The following SORCS1 variants were observed in gnomAD, a reference collection of about 807,000 sequenced individuals.
SORCS1 encodes the protein VPS10 domain-containing receptor SorCS1.
A neutral mutation model predicts 146.1 loss-of-function variants in SORCS1; 60 were observed. The ratio of observed to expected loss-of-function variants is 0.41; its 90% CI spans 0.33 to 0.51. SORCS1 has a LOEUF of 0.51. Among genes scored for constraint, SORCS1 ranks in the 20% least tolerant of loss-of-function variants. The pLI is 0.21. For missense variants in SORCS1, 1,352 were observed against 1,487.6 expected, an observed-to-expected ratio of 0.91 and a Z score of 1.50; for synonymous variants, 637 against 584.0, an observed-to-expected ratio of 1.09 and a Z score of -1.31.
chr10:106,842,983 C>G (rs1397583113), intron 2 of SORCS1, among the ~76,000 whole-genome samples: 1 of 152,086 alleles, frequency 6.6e-6, no homozygotes, highest in Non-Finnish European at 1.5e-5. Flanking sequence ...ATACGATTGA[C>G]AAATGTAATT....
chr10:106,592,409 G>C (rs748476111), intron 24 of SORCS1, among the ~76,000 whole-genome samples: 6 of 152,198 alleles, frequency 3.9e-5, no homozygotes, highest in Non-Finnish European at 8.8e-5. Flanking sequence ...TCCCATAAAA[G>C]CAAACAGGGA....
intron 2 of SORCS1, among the ~76,000 whole-genome samples, chr10:106,841,496 A>C (rs1053377270): frequency 1.1e-4 from 16 of 152,066 alleles, no homozygotes; most frequent in Non-Finnish European, 2.1e-4. Context: ...ACACACACAC[A>C]CATTGTTTTT....
At chr10:107,142,727 T>A (rs556909657) in intron 1 of SORCS1, among the ~76,000 whole-genome samples, 2 of 152,294 alleles carry the variant, frequency 1.3e-5, no homozygotes, top group South Asian at 2.1e-4. Context: ...TTCAATGCCA[T>A]CATCACTAGA....
At position 106,880,393 on chromosome 10, in the gene SORCS1, A is replaced by C. The variant is rs569127804; in HGVS notation, c.627-50720T>G. Among the ~76,000 whole-genome samples, 3 of 152,334 alleles carry C rather than the reference A, an allele frequency of 2.0e-5. No homozygotes were observed. The East Asian group carries it at 5.8e-4, about 29-fold the overall frequency. ...CCTATGAACATATTTAGGAAAACAA[A>C]ATTTTTCAGTTGAAGAGTTCCTAAA... On this transcript the variant is annotated intron_variant, in intron 2 of 25. Coordinates refer to ENST00000263054, the MANE Select transcript of SORCS1 (RefSeq NM_052918.5).
chr10:106,737,567 A>T (rs1021663449), intron 5 of SORCS1, among the ~76,000 whole-genome samples: 13 of 152,130 alleles, frequency 8.5e-5, no homozygotes, highest in African/African-American at 2.9e-4. Flanking sequence ...TCTACTAAAA[A>T]TACAAAAATT....
chr10:106,981,256 T>C (rs183114427), intron 1 of SORCS1, among the ~76,000 whole-genome samples: 26 of 152,308 alleles, frequency 1.7e-4, no homozygotes, highest in African/African-American at 3.6e-4. Flanking sequence ...TTCAATCTGT[T>C]TGCAAGAATG....
intron 2 of SORCS1, among the ~76,000 whole-genome samples, chr10:106,875,301 T>C (rs1242034614): frequency 6.6e-6 from 1 of 152,256 alleles, no homozygotes; most frequent in Non-Finnish European, 1.5e-5. Context: ...TTTCCTTCCT[T>C]TTTATGGCTG....
intron 23 of SORCS1, among the ~76,000 whole-genome samples, chr10:106,603,192 C>A (rs1229781973): frequency 6.6e-6 from 1 of 152,136 alleles, no homozygotes; most frequent in Non-Finnish European, 1.5e-5. Flanking sequence ...AATTTATTCA[C>A]CCCTGAGGAC....
intron 5 of SORCS1, among the ~76,000 whole-genome samples, chr10:106,738,541 A>T (rs4917484): frequency 0.78 from 119,081 of 152,084 alleles, 47,493 homozygotes; most frequent in Non-Finnish European, 0.87. Flanking sequence ...TGATGTTAAA[A>T]TCAGTGTGAG....
At chr10:106,993,136 G>A (rs1956844397) in intron 1 of SORCS1, among the ~76,000 whole-genome samples, 1 of 151,522 alleles carries the variant, frequency 6.6e-6, no homozygotes, top group African/African-American at 2.4e-5. Context: ...AGCCGGGCCT[G>A]GCTAATTTCT....
chr10:106,996,617 T>C (rs542749967), intron 1 of SORCS1, among the ~76,000 whole-genome samples: 1 of 152,288 alleles, frequency 6.6e-6, no homozygotes, highest in African/African-American at 2.4e-5. Context: ...CCTTTCGTCG[T>C]ACCAAAAAAA....
chr10:107,101,542 T>C (rs970394074), intron 1 of SORCS1, among the ~76,000 whole-genome samples: 4 of 152,158 alleles, frequency 2.6e-5, no homozygotes, highest in African/African-American at 7.2e-5. Context: ...AAAGTAAAAT[T>C]CCCCTGTGCT....
chr10:107,124,567 A>G (rs1274933808), intron 1 of SORCS1, among the ~76,000 whole-genome samples: 2 of 152,120 alleles, frequency 1.3e-5, no homozygotes, highest in African/African-American at 4.8e-5. Flanking sequence ...TAATGGCATC[A>G]ATTCTTCCCT....
rs573206558 is a variant in SORCS1 at position 107,089,533 on chromosome 10, GA to G, written c.558+74435del. On this transcript the variant is annotated intron_variant, in intron 1 of 25. Coordinates refer to ENST00000263054, the MANE Select transcript of SORCS1 (RefSeq NM_052918.5). ...AATAGATACTATTTCTGGCGAGTCA[GA>G]AAATATCTTTCCTTCTCACTGCTGT... 1.1e-3 allele frequency among the ~76,000 whole-genome samples: 170 copies of G among 152,290 alleles called. 1 individual carries two copies. Among genetic ancestry groups the G allele is most frequent in the Admixed American group, 2.7e-3 (41 of 15,300 alleles).
intron 2 of SORCS1, among the ~76,000 whole-genome samples, chr10:106,843,318 G>C (rs1589529663): frequency 6.6e-6 from 1 of 151,828 alleles, no homozygotes; most frequent in African/African-American, 2.4e-5. Context: ...CTCTTTTATA[G>C]ATTCCACATG....
At chr10:106,867,662 G>A (rs1296994720) in intron 2 of SORCS1, among the ~76,000 whole-genome samples, 1 of 152,164 alleles carries the variant, frequency 6.6e-6, no homozygotes. Flanking sequence ...AAGTAAAGGA[G>A]AAATAAGTTC....
At chr10:107,040,244 GT>G (rs2096919728) in intron 1 of SORCS1, among the ~76,000 whole-genome samples, 2 of 152,180 alleles carry the variant, frequency 1.3e-5, no homozygotes, top group African/African-American at 4.8e-5. Context: ...ATGGCCCAGG[GT>G]TTTGGGGTTT....
In SORCS1 at chr10:106,677,322, C is replaced by A. The variant is rs201674495; in HGVS notation, c.1823G>T (p.Arg608Leu). ...CAGCATGTGCCCTTACCAAAGATGT[C>A]GAATTGGGAGAGATGTGTGTTTCAT... ...VAMKHTSLPI[R>L]HLWLSFDEGR... is the part of the protein sequence containing the mutation. The change falls in exon 13 of 26, where the codon CGA (arginine) becomes CTA (leucine). Residue 608 changes from arginine (R) to leucine (L), a missense_variant. This residue lies in a region of SORCS1 where 648 missense variants were observed against 793.8 expected (regional missense o/e 0.82). Transcript: ENST00000263054. The A allele has an allele frequency of 3.1e-6, 5 of 1,613,820 alleles. No homozygotes were observed. The highest frequency in any genetic ancestry group is 1.7e-6 in the Non-Finnish European group (2 of 1,179,794).
Position 107,060,595 on chromosome 10 carries a change from GA to G in SORCS1, c.558+103373del, listed in dbSNP as rs1264735078. 3.3e-5 allele frequency among the ~76,000 whole-genome samples: 5 copies of G among 152,070 alleles called. No homozygotes were observed. Among genetic ancestry groups the G allele is most frequent in the African/African-American group, 9.7e-5 (4 of 41,412 alleles). On this transcript the variant is annotated intron_variant, in intron 1 of 25. Coordinates refer to ENST00000263054, the MANE Select transcript of SORCS1 (RefSeq NM_052918.5). This position sits in a 1 kb window ranked among gnomAD's most constrained non-coding sequence, Gnocchi z 4.1. ...ATCAAAGTCATTTTTCTGTGCTCAGGAAAAGGAGCTGCCCAATCTATATCTT... is the reference window on the plus strand; with the variant it reads ...ATCAAAGTCATTTTTCTGTGCTCAGGAAAGGAGCTGCCCAATCTATATCTT...
Sources: gnomAD v4.1 joint callset for allele counts (sites outside exome capture counted in the v4.1 genomes callset) on GRCh38, gnomAD v4.1.1 for gene constraint, gnomAD v4.1.1 regional missense constraint, Gnocchi (gnomAD v3.1) non-coding constraint, MANE v1.5 for transcripts, NCBI Gene and HGNC (gene_info 2026-07-23, HGNC 2026-07-21) for gene names.